The following ARID4B variants were observed in gnomAD, a reference collection of about 807,000 sequenced individuals.
ARID4B encodes AT-rich interactive domain-containing protein 4B.
In ARID4B, 26 loss-of-function variants were observed where a neutral mutation model predicts 147.5. The observed-to-expected ratio is 0.18, with a 90% CI of 0.13 to 0.24. The LOEUF (loss-of-function observed/expected upper bound fraction) is 0.24. ARID4B is among the 10% of genes least tolerant of loss of function. The pLI, the probability that ARID4B is intolerant of heterozygous loss-of-function variation, is 1.00. For synonymous variants in ARID4B, 512 were observed against 507.9 expected (o/e 1.01, Z -0.11); for missense variants, 1,179 against 1,511.5 (o/e 0.78, Z 3.65).
At chr1:235,326,766 C>T (rs922391688) in intron 2 of ARID4B, 148 bp downstream of exon 2, 9 of 954,496 alleles carry the variant, frequency 9.4e-6, no homozygotes, top group African/African-American at 1.6e-5. Context: ...CAGCTGACCC[C>T]GGTCTCTCTG....
chr1:235,224,602 T>C lies in ARID4B; in HGVS notation c.970+101A>G, dbSNP rs546503144. On this transcript the variant is annotated intron_variant, in intron 12 of 23. Transcript: ENST00000264183. ...GAGTCAAAAAGACAGCCATAATTAC[T>C]GATGACATAAAGTTCAGTAAACAAA... is the stretch of plus-strand genomic sequence containing the variant. 1.8e-4 allele frequency: 140 copies of C among 789,782 alleles called. 3 individuals carry two copies. The South Asian group carries it at 1.9e-3, about 11-fold the overall frequency. The allele number at this position is 789,782 out of a possible 1,614,324, so 48.9% of individuals were successfully genotyped here.
chr1:235,302,174 AAAACAGC>A, intron 2 of ARID4B, among the ~76,000 whole-genome samples: 4 of 146,274 alleles, frequency 2.7e-5, no homozygotes, highest in Non-Finnish European at 4.5e-5. Context: ...AAAAAAAAAA[AAAACAGC>A]AAAAAAAAAC....
chr1:235,202,830 G>A (rs780949234), intron 17 of ARID4B, among the ~76,000 whole-genome samples: 2 of 152,034 alleles, frequency 1.3e-5, no homozygotes, highest in African/African-American at 2.4e-5. Flanking sequence ...GATTACAGGC[G>A]TGAGCCACCA....
At chr1:235,322,011 C>A (rs566199362) in intron 2 of ARID4B, among the ~76,000 whole-genome samples, 35 of 151,986 alleles carry the variant, frequency 2.3e-4, no homozygotes, top group Middle Eastern at 3.4e-3. Context: ...TTCAATGGTT[C>A]CATGTAGTTT....
chr1:235,257,037 T>C, intron 4 of ARID4B, 123 bp downstream of exon 4: 2 of 725,684 alleles, frequency 2.8e-6, no homozygotes, highest in East Asian at 2.7e-5. Flanking sequence ...TCTATTAGTC[T>C]TTTTAGAGAA....
chr1:235,250,515 G>A (rs922179711), intron 6 of ARID4B, among the ~76,000 whole-genome samples: 4 of 152,032 alleles, frequency 2.6e-5, no homozygotes, highest in African/African-American at 7.2e-5. Context: ...CTCCTCCAAC[G>A]GAGAGTAAGT....
At chr1:235,289,787 T>C (rs1002200908) in intron 2 of ARID4B, among the ~76,000 whole-genome samples, 1 of 151,236 alleles carries the variant, frequency 6.6e-6, no homozygotes, top group Admixed American at 6.6e-5. Context: ...AAAAGGATAT[T>C]TCATATAAAA....
intron 2 of ARID4B, among the ~76,000 whole-genome samples, chr1:235,271,969 A>AATAAT (rs1671019103): frequency 2.3e-5 from 1 of 43,648 alleles, no homozygotes; most frequent in Non-Finnish European, 5.1e-5. Flanking sequence ...AATAATAATA[A>AATAAT]ATAATAATAA....
intron 17 of ARID4B, among the ~76,000 whole-genome samples, chr1:235,207,382 C>T (rs1166653566): frequency 1.3e-5 from 2 of 152,192 alleles, no homozygotes; most frequent in Non-Finnish European, 2.9e-5. Context: ...CAACCACGAT[C>T]GGCTGCACAG....
chr1:235,270,630 G>A (rs533808696), intron 2 of ARID4B, among the ~76,000 whole-genome samples: 7 of 152,348 alleles, frequency 4.6e-5, no homozygotes, highest in African/African-American at 7.2e-5. Context: ...AAACAGGCAA[G>A]AGAGAAATTG....
chr1:235,222,380 T>C (rs766151137), intron 13 of ARID4B, among the ~76,000 whole-genome samples: 1 of 152,262 alleles, frequency 6.6e-6, no homozygotes, highest in Non-Finnish European at 1.5e-5. Flanking sequence ...TAAAGTATTT[T>C]ATTCCATAGA....
At chr1:235,313,307 G>A (rs1185554851) in intron 2 of ARID4B, among the ~76,000 whole-genome samples, 2 of 151,952 alleles carry the variant, frequency 1.3e-5, no homozygotes, top group Non-Finnish European at 1.5e-5. Flanking sequence ...TAGGATTACG[G>A]GCATGACCCA....
At chr1:235,236,862 ATTTT>A (rs869157061) in intron 8 of ARID4B, among the ~76,000 whole-genome samples, 101 of 17,426 alleles carry the variant, frequency 5.8e-3, no homozygotes, top group African/African-American at 0.018. Context: ...ATATATATAT[ATTTT>A]TTTTTTTTTT....
intron 19 of ARID4B, chr1:235,187,074 A>C (rs1276362590): frequency 3.3e-6 from 1 of 304,118 alleles, no homozygotes; most frequent in East Asian, 1.2e-4. Flanking sequence ...ACTGCATCTT[A>C]TTCTTTTTTT....
intron 2 of ARID4B, among the ~76,000 whole-genome samples, chr1:235,299,705 AAG>A (rs1572186994): frequency 6.6e-6 from 1 of 152,310 alleles, no homozygotes; most frequent in East Asian, 1.9e-4. Context: ...TTCTCTGGAA[AAG>A]AACTCTGGAT....
rs1444965852 is a variant in ARID4B, at chr1:235,182,558, T to A, written c.2361A>T (p.Glu787Asp). The A allele has an allele frequency of 1.2e-6, 2 of 1,612,462 alleles. No individual in the cohort carries two copies. Among genetic ancestry groups the A allele is most frequent in the Admixed American group, 3.4e-5 (2 of 59,666 alleles). The change falls in exon 20 of 24, where the codon GAA becomes GAT. Residue 787 changes from glutamate to aspartate, a missense_variant. This residue lies in a region of ARID4B where 321 missense variants were observed against 342.4 expected (regional missense o/e 0.94). Coordinates refer to ENST00000264183, the MANE Select transcript of ARID4B (RefSeq NM_016374.6). ...CATAATCAGTATCTTCGGATAATAC[T>A]TCTATATCTTTCCTTAATCTTTCTG... ...KSPERLRKDI[E>D]VLSEDTDYEE...
chr1:235,285,466 A>G (rs1482979326), intron 2 of ARID4B, among the ~76,000 whole-genome samples: 1 of 152,240 alleles, frequency 6.6e-6, no homozygotes, highest in Non-Finnish European at 1.5e-5. Flanking sequence ...AACTTCCTCA[A>G]TCGGACAAAA....
intron 16 of ARID4B, among the ~76,000 whole-genome samples, chr1:235,215,100 C>T (rs1414058264): frequency 2.6e-5 from 4 of 152,048 alleles, no homozygotes; most frequent in Admixed American, 2.6e-4. Flanking sequence ...CCACCGTGGC[C>T]TCCCAAAGTG....
chr1:235,200,909 C>G (rs1426665238), intron 17 of ARID4B, among the ~76,000 whole-genome samples: 1 of 151,976 alleles, frequency 6.6e-6, no homozygotes, highest in East Asian at 1.9e-4. Context: ...TTTGGGAGGC[C>G]GAGGAGGGCG....
Sources: allele counts gnomAD v4.1 joint callset (sites outside exome capture counted in the v4.1 genomes callset), GRCh38; gene constraint gnomAD v4.1.1; regional missense constraint gnomAD v4.1.1; transcripts MANE v1.5; gene names NCBI Gene and HGNC (gene_info 2026-07-23, HGNC 2026-07-21).